Variants in CEP126 observed in about 807,000 individuals in gnomAD.
The protein encoded by CEP126 is centrosomal protein 126, also known as centrosomal protein of 126 kDa.
CEP126 carries 74 observed loss-of-function variants against 107.8 expected under a neutral mutation model. The observed-to-expected ratio is 0.69, with a 90% CI of 0.57 to 0.83. CEP126 has a LOEUF of 0.83. Among genes scored for constraint, CEP126 ranks in the 40% least tolerant of loss-of-function variants. The pLI is 0.00. For synonymous variants in CEP126, 449 were observed against 446.0 expected (o/e 1.01, Z -0.08); for missense variants, 1,237 against 1,281.9 (o/e 0.96, Z 0.53).
In CEP126 at chr11:101,997,832, A is replaced by G. The variant is rs932719493; in HGVS notation, c.*189A>G. On this transcript the variant is annotated 3_prime_UTR_variant, in exon 11 of 11. Transcript: ENST00000263468. ...ATTTAACAAAGCAGTGAAGTTTAAC[A>G]GAGTTCTGAGAATACCATGAAAGAC... The G allele has an allele frequency of 3.6e-5, 25 of 686,486 alleles. No individual in the cohort carries two copies. The African/African-American group carries it at 4.3e-4, about 12-fold the overall frequency. 42.5% of individuals were successfully genotyped at this position (686,486 alleles called of 1,614,324 possible).
Position 101,963,795 on chromosome 11 carries a change from T to A in CEP126, c.2760T>A (p.Ser920=). Residue 920 remains serine, a synonymous_variant, in exon 6 of 11, where the codon TCT becomes TCA. Transcript: ENST00000263468. The part of the protein sequence containing the change: ...RSPVCEESYP[S]VTLRTAEEES... Reference sequence around the variant, plus strand: ...CTGTTTGTGAAGAAAGTTATCCGTCTGTGACTCTAAGAACTGCTGAAGAAG... The same window carrying A: ...CTGTTTGTGAAGAAAGTTATCCGTCAGTGACTCTAAGAACTGCTGAAGAAG... The A allele has an allele frequency of 1.2e-6, 2 of 1,614,188 alleles. No homozygotes were observed. The highest frequency in any genetic ancestry group is 1.1e-5 in the South Asian group (1 of 91,082).
intron 10 of CEP126, 41 bp from the exon 11 acceptor site, chr11:101,997,558 G>A: frequency 6.2e-7 from 1 of 1,613,684 alleles, no homozygotes; most frequent in Non-Finnish European, 8.5e-7. Flanking sequence ...GCAGTGTTTT[G>A]GCATGTGTTT....
chr11:101,929,084 T>G (rs1184960166), intron 2 of CEP126, among the ~76,000 whole-genome samples: 1 of 152,204 alleles, frequency 6.6e-6, no homozygotes, highest in East Asian at 1.9e-4. Context: ...TTCTTTATAT[T>G]GATTCTTTAT....
At chr11:101,953,534 A>G (rs1351495505) in intron 4 of CEP126, among the ~76,000 whole-genome samples, 1 of 152,214 alleles carries the variant, frequency 6.6e-6, no homozygotes, top group Non-Finnish European at 1.5e-5. Flanking sequence ...TATAAAGGAC[A>G]GGCAAAGAAA....
intron 2 of CEP126, among the ~76,000 whole-genome samples, chr11:101,933,890 C>T (rs1427356195): frequency 6.8e-6 from 1 of 147,314 alleles, no homozygotes; most frequent in East Asian, 2.0e-4. Context: ...TTCCTAGAAC[C>T]CCAAGTTGAG....
chr11:101,981,193 T>G (rs1415322308), intron 7 of CEP126, among the ~76,000 whole-genome samples: 1 of 152,266 alleles, frequency 6.6e-6, no homozygotes, highest in Non-Finnish European at 1.5e-5. Context: ...TGGCATTAGC[T>G]GTAGTCAGAT....
At chr11:101,996,371 C>T (rs1251152315) in intron 10 of CEP126, among the ~76,000 whole-genome samples, 1 of 152,228 alleles carries the variant, frequency 6.6e-6, no homozygotes, top group East Asian at 1.9e-4. Flanking sequence ...TTTCTCTGAT[C>T]CTGACTGGCA....
At position 101,963,465 on chromosome 11, in the gene CEP126, T is replaced by C. The variant is rs1362386379; in HGVS notation, c.2430T>C (p.Ile810=). The C allele has an allele frequency of 6.2e-6, 10 of 1,614,014 alleles. No individual in the cohort carries two copies. Among genetic ancestry groups the C allele is most frequent in the South Asian group, 1.1e-5 (1 of 91,078 alleles). ...CTCCTCCTCAATCTACATCAAATAT[T>C]AGAAGTGGTAAAAATATACAAGTGT... The part of the protein sequence containing the change: ...PCPPPQSTSN[I]RSGKNIQVSQ... The change falls in exon 6 of 11, where the codon ATT becomes ATC. Residue 810 remains isoleucine, a synonymous_variant. Coordinates refer to ENST00000263468, the MANE Select transcript of CEP126 (RefSeq NM_020802.4).
chr11:101,990,190 G>A (rs376400719), intron 9 of CEP126, among the ~76,000 whole-genome samples: 3 of 131,562 alleles, frequency 2.3e-5, no homozygotes, highest in Non-Finnish European at 5.1e-5. Flanking sequence ...ATTCTTCTCC[G>A]TGGATCTACA....
intron 6 of CEP126, among the ~76,000 whole-genome samples, chr11:101,967,557 C>T (rs1490280531): frequency 2.0e-5 from 3 of 152,044 alleles, no homozygotes; most frequent in Non-Finnish European, 4.4e-5. Context: ...CTGTTTATCT[C>T]GTAAATTCAC....
chr11:101,944,734 G>A (rs1041038920), intron 3 of CEP126, among the ~76,000 whole-genome samples: 10 of 152,078 alleles, frequency 6.6e-5, no homozygotes, highest in African/African-American at 2.4e-4. Flanking sequence ...GAAAATTAGT[G>A]TCACATTTAT....
intron 1 of CEP126, among the ~76,000 whole-genome samples, chr11:101,921,869 T>C (rs1325691313): frequency 8.0e-6 from 1 of 125,310 alleles, no homozygotes; most frequent in Non-Finnish European, 1.6e-5. Context: ...CACTGCAACC[T>C]CTGCTTCCCA....
intron 2 of CEP126, among the ~76,000 whole-genome samples, chr11:101,935,252 C>A (rs1366006988): frequency 6.6e-6 from 1 of 151,730 alleles, no homozygotes; most frequent in Non-Finnish European, 1.5e-5. Context: ...ATTCTGGGTA[C>A]AAGTTCTTTG....
intron 2 of CEP126, among the ~76,000 whole-genome samples, chr11:101,928,200 T>C (rs1345495051): frequency 3.3e-5 from 5 of 152,216 alleles, no homozygotes; most frequent in Non-Finnish European, 7.3e-5. Context: ...TGTTCATTTT[T>C]AATTGGACTG....
chr11:101,942,564 T>G (rs1487578010), intron 2 of CEP126, among the ~76,000 whole-genome samples: 4 of 43,786 alleles, frequency 9.1e-5, no homozygotes, highest in Non-Finnish European at 1.7e-4. Flanking sequence ...TTTGGGGTGG[T>G]TTTTTTTTTT....
chr11:101,955,484 C>T (rs1035799103), intron 4 of CEP126, among the ~76,000 whole-genome samples: 1 of 152,122 alleles, frequency 6.6e-6, no homozygotes, highest in Non-Finnish European at 1.5e-5. Flanking sequence ...CTCTATTTGC[C>T]CTTTGAACTC....
intron 9 of CEP126, among the ~76,000 whole-genome samples, chr11:101,987,814 G>T (rs1423061983): frequency 2.0e-5 from 3 of 152,124 alleles, no homozygotes; most frequent in Admixed American, 2.0e-4. Flanking sequence ...TAGTTCTTAA[G>T]ATCTCAAGCA....
intron 6 of CEP126, among the ~76,000 whole-genome samples, chr11:101,967,837 G>A (rs1012434894): frequency 6.6e-6 from 1 of 152,080 alleles, no homozygotes; most frequent in Non-Finnish European, 1.5e-5. Flanking sequence ...CATCAAACTC[G>A]GAATAGTGAC....
intron 6 of CEP126, among the ~76,000 whole-genome samples, chr11:101,969,097 T>G (rs1941094046): frequency 1.3e-5 from 2 of 152,172 alleles, no homozygotes; most frequent in South Asian, 2.1e-4. Context: ...CATGGCTCAC[T>G]GCAGCATCAT....
Sources: gnomAD v4.1 joint callset for allele counts (sites outside exome capture counted in the v4.1 genomes callset) on GRCh38, gnomAD v4.1.1 for gene constraint, MANE v1.5 for transcripts, NCBI Gene and HGNC (gene_info 2026-07-23, HGNC 2026-07-21) for gene names.